Variants in SCAMP1 observed in about 807,000 individuals in gnomAD.
The protein encoded by SCAMP1 is secretory carrier-associated membrane protein 1.
Under a neutral mutation model 41.8 loss-of-function variants are expected in SCAMP1, and 15 were observed. That is an observed-to-expected ratio of 0.36 (90% confidence interval 0.24 to 0.55). The LOEUF is 0.55. Ranked by LOEUF, SCAMP1 falls within the 20% of genes least tolerant of loss-of-function variation. The probability of loss-of-function intolerance (pLI) is 0.86; values close to 1 mark genes in which losing one functional copy is unlikely to be tolerated. For missense variants in SCAMP1, 341 were observed against 412.6 expected (o/e 0.83, Z 1.50); for synonymous variants, 135 against 136.8 (o/e 0.99, Z 0.09).
chr5:78,408,487 C>T (rs538050075), intron 2 of SCAMP1, among the ~76,000 whole-genome samples: 16 of 152,262 alleles, frequency 1.1e-4, no homozygotes, highest in African/African-American at 3.1e-4. Context: ...TGCCTGAGGC[C>T]ACTACCAGCC....
chr5:78,445,205 A>T (rs566528903), intron 6 of SCAMP1, among the ~76,000 whole-genome samples: 13 of 152,360 alleles, frequency 8.5e-5, no homozygotes, highest in African/African-American at 2.6e-4. Flanking sequence ...GAGATTTATT[A>T]TCATACTTCA....
At chr5:78,360,762 G>C in intron 1 of SCAMP1, 34 bp downstream of exon 1, 1 of 1,584,136 alleles carries the variant, frequency 6.3e-7, no homozygotes, top group South Asian at 1.1e-5. Context: ...CTGCCGCCGC[G>C]ACGCGTCGTT....
Position 78,367,036 on chromosome 5 carries a change from T to A in SCAMP1, c.57+6308T>A, listed in dbSNP as rs190741845. 3.5e-3 allele frequency among the ~76,000 whole-genome samples: 536 copies of A among 152,336 alleles called. 6 individuals carry two copies. The highest frequency in any genetic ancestry group is 0.012 in the African/African-American group (513 of 41,576). On this transcript the variant is annotated intron_variant, in intron 1 of 8. Coordinates refer to ENST00000621999, the MANE Select transcript of SCAMP1 (RefSeq NM_004866.6). ...GGATTTCCTTTGTGATTGTCACATT[T>A]TGAAAACTGTCTTTTAACATTAATC...
rs1168300206 is a variant in SCAMP1 at position 78,395,882 on chromosome 5, A to G, written c.135+6968A>G. ...GGAGTGACATTCCATCATTTTTACCATATTCTCTTGGTTAGAAGCATGTCA... is the reference window on the plus strand; with the variant it reads ...GGAGTGACATTCCATCATTTTTACCGTATTCTCTTGGTTAGAAGCATGTCA... On this transcript the variant is annotated intron_variant, in intron 2 of 8. Coordinates refer to ENST00000621999, the MANE Select transcript of SCAMP1 (RefSeq NM_004866.6). Among the ~76,000 whole-genome samples the G allele has an allele frequency of 2.6e-5, 4 of 152,180 alleles. 1 individual carries two copies. Among genetic ancestry groups the G allele is most frequent in the Admixed American group, 2.0e-4 (3 of 15,280 alleles).
Position 78,383,061 on chromosome 5 carries a change from A to AC in SCAMP1, c.58-5774dup, listed in dbSNP as rs149939115. On this transcript the variant is annotated intron_variant, in intron 1 of 8. Coordinates refer to ENST00000621999, the MANE Select transcript of SCAMP1 (RefSeq NM_004866.6). The stretch of plus-strand genomic sequence containing the variant: ...AGTGTTTGTACTAGTTTACATTTTC[A>AC]CCAACAGTGTAAAAGTGTTCCCTTT... Among the ~76,000 whole-genome samples the AC allele has an allele frequency of 5.2e-3, 791 of 152,228 alleles. 2 individuals carry two copies. Among genetic ancestry groups the AC allele is most frequent in the Admixed American group, 7.3e-3 (111 of 15,280 alleles).
At chr5:78,422,028 A>C (rs1752350984) in intron 6 of SCAMP1, 68 bp downstream of exon 6, 1 of 1,342,144 alleles carries the variant, frequency 7.5e-7, no homozygotes. Context: ...AGTATACATT[A>C]AAGGGAAAAT....
chr5:78,461,873 C>T (rs937455874), intron 8 of SCAMP1, among the ~76,000 whole-genome samples: 1 of 152,124 alleles, frequency 6.6e-6, no homozygotes, highest in African/African-American at 2.4e-5. Context: ...AGTTTGAAGT[C>T]AGGCAATATG....
chr5:78,391,753 C>T (rs1048872704), intron 2 of SCAMP1, among the ~76,000 whole-genome samples: 1 of 152,318 alleles, frequency 6.6e-6, no homozygotes, highest in Admixed American at 6.5e-5. Flanking sequence ...GTCTGCAATC[C>T]CGGCACCTCA....
intron 1 of SCAMP1, among the ~76,000 whole-genome samples, chr5:78,372,578 A>G (rs569476193): frequency 7.9e-5 from 12 of 152,288 alleles, no homozygotes; most frequent in Non-Finnish European, 1.3e-4. Flanking sequence ...TCTTTTTCAA[A>G]AATCTCCAAG....
intron 1 of SCAMP1, among the ~76,000 whole-genome samples, chr5:78,385,920 A>G (rs2112079752): frequency 6.6e-6 from 1 of 152,128 alleles, no homozygotes; most frequent in East Asian, 1.9e-4. Context: ...GTATGCTTGT[A>G]TGTTCTGCAG....
At chr5:78,364,380 G>C (rs554909808) in intron 1 of SCAMP1, among the ~76,000 whole-genome samples, 84 of 152,274 alleles carry the variant, frequency 5.5e-4, no homozygotes, top group Non-Finnish European at 1.1e-3. Context: ...AGTTCATTAT[G>C]GAAATAACAT....
At chr5:78,382,088 A>G (rs1337932413) in intron 1 of SCAMP1, among the ~76,000 whole-genome samples, 2 of 152,298 alleles carry the variant, frequency 1.3e-5, no homozygotes, top group African/African-American at 2.4e-5. Context: ...AAGCAGTATC[A>G]CCTGAGAACC....
At chr5:78,382,103 A>G (rs1042164587) in intron 1 of SCAMP1, among the ~76,000 whole-genome samples, 3 of 152,200 alleles carry the variant, frequency 2.0e-5, no homozygotes, top group Admixed American at 2.0e-4. Flanking sequence ...AGAACCTTTT[A>G]GAAATACAGG....
chr5:78,449,200 A>T (rs1445143856), intron 6 of SCAMP1, among the ~76,000 whole-genome samples: 1 of 151,876 alleles, frequency 6.6e-6, no homozygotes, highest in African/African-American at 2.4e-5. Flanking sequence ...TATGAATAAT[A>T]ACAATAATAA....
At chr5:78,456,446 T>C (rs901671578) in intron 7 of SCAMP1, among the ~76,000 whole-genome samples, 40 of 152,082 alleles carry the variant, frequency 2.6e-4, no homozygotes, top group South Asian at 1.0e-3. Flanking sequence ...ACTTATGAAG[T>C]TTAGTTTGGC....
intron 6 of SCAMP1, among the ~76,000 whole-genome samples, chr5:78,446,350 C>CT (rs1753051605): frequency 1.3e-5 from 2 of 152,176 alleles, no homozygotes; most frequent in Middle Eastern, 3.4e-3. Flanking sequence ...TAGAATGTGT[C>CT]TAAGAATTTG....
At chr5:78,362,886 CTTT>C (rs1561246076) in intron 1 of SCAMP1, among the ~76,000 whole-genome samples, 1 of 137,106 alleles carries the variant, frequency 7.3e-6, no homozygotes, top group Non-Finnish European at 1.5e-5. Flanking sequence ...GATCATTTTT[CTTT>C]TTTTACTTTT....
intron 1 of SCAMP1, among the ~76,000 whole-genome samples, chr5:78,363,370 C>T (rs987324747): frequency 1.3e-5 from 2 of 151,790 alleles, no homozygotes; most frequent in East Asian, 3.9e-4. Context: ...CCGCCACCAC[C>T]GGCTGATTTT....
At chr5:78,390,907 G>A (rs1221329284) in intron 2 of SCAMP1, among the ~76,000 whole-genome samples, 9 of 147,430 alleles carry the variant, frequency 6.1e-5, no homozygotes, top group African/African-American at 1.0e-4. Flanking sequence ...ATCTTGCACC[G>A]CCCTTAATCC....
Sources: allele counts gnomAD v4.1 joint callset (sites outside exome capture counted in the v4.1 genomes callset), GRCh38; gene constraint gnomAD v4.1.1; transcripts MANE v1.5; gene names NCBI Gene and HGNC (gene_info 2026-07-23, HGNC 2026-07-21).